MCF2L2: variants seen among roughly 807,000 people sequenced by gnomAD.
The protein encoded by MCF2L2 is MCF.2 cell line derived transforming sequence-like 2.
A neutral mutation model predicts 150.2 loss-of-function variants in MCF2L2; 102 were observed. The ratio of observed to expected loss-of-function variants is 0.68; its 90% CI spans 0.58 to 0.80. The LOEUF is 0.80. Ranked by LOEUF, MCF2L2 falls within the 30% of genes least tolerant of loss-of-function variation. The pLI, the probability that MCF2L2 is intolerant of heterozygous loss-of-function variation, is 0.00. For missense variants in MCF2L2, 1,256 were observed against 1,372.8 expected (o/e 0.91, Z 1.34); for synonymous variants, 465 against 491.3 (o/e 0.95, Z 0.71).
intron 15 of MCF2L2, 123 bp from the exon 16 acceptor site, chr3:183,231,140 A>T: frequency 1.3e-6 from 1 of 762,134 alleles, no homozygotes. Flanking sequence ...TCACCTACTT[A>T]GTTTCTGGTC....
At chr3:183,241,547 C>A (rs781419921) in intron 15 of MCF2L2, among the ~76,000 whole-genome samples, 1 of 152,204 alleles carries the variant, frequency 6.6e-6, no homozygotes, top group Non-Finnish European at 1.5e-5. Context: ...CTCTTGCCTG[C>A]CACCATGTAA....
In MCF2L2 at chr3:183,179,399, G is replaced by A; in HGVS notation, c.3326C>T (p.Thr1109Ile). The part of the protein sequence containing the change: ...GFQARALRPR[T>I]SAQES The stretch of plus-strand genomic sequence containing the variant: ...GGGAGGTCAGCTCTCCTGGGCGGAG[G>A]TCCTCGGGCGCAGCGCCCTCGCCTG... Residue 1109 changes from threonine to isoleucine, a missense_variant, in exon 30 of 30, where the codon ACC becomes ATC. Transcript: ENST00000328913. This position sits in a 1 kb window ranked among gnomAD's most constrained non-coding sequence, Gnocchi z 4.2. 1 of 1,554,414 alleles carries A rather than the reference G, an allele frequency of 6.4e-7. No homozygotes were observed. Among genetic ancestry groups the A allele is most frequent in the Non-Finnish European group, 8.7e-7 (1 of 1,149,464 alleles).
chr3:183,200,537 G>A (rs1722240328), intron 25 of MCF2L2, among the ~76,000 whole-genome samples: 1 of 152,174 alleles, frequency 6.6e-6, no homozygotes, highest in East Asian at 1.9e-4. Flanking sequence ...TTTGTCAGAT[G>A]GGTAGATTGT....
intron 1 of MCF2L2, among the ~76,000 whole-genome samples, chr3:183,414,608 T>C (rs1294787773): frequency 6.6e-6 from 1 of 152,204 alleles, no homozygotes; most frequent in African/African-American, 2.4e-5. Context: ...TATATTTAGG[T>C]TGCTTTTCTT....
intron 10 of MCF2L2, among the ~76,000 whole-genome samples, chr3:183,304,015 C>G (rs867804592): frequency 1.3e-5 from 2 of 152,188 alleles, no homozygotes; most frequent in African/African-American, 4.8e-5. Context: ...AGGCCTCCAT[C>G]CCTTCTCCAC....
chr3:183,348,437 GGAGA>G lies in MCF2L2; in HGVS notation c.276-6811_276-6808del, dbSNP rs1435187004. Among the ~76,000 whole-genome samples, 4 of 151,782 alleles carry G rather than the reference GGAGA, an allele frequency of 2.6e-5. No homozygotes were observed. The South Asian group carries it at 8.3e-4, about 32-fold the overall frequency. ...GGTCGGGTAGGGGGGGCGAGGGGAG[GGAGA>G]GAATTAGGACAAATACCTAGTGTAG... On this transcript the variant is annotated intron_variant, in intron 3 of 29. Transcript: ENST00000328913.
chr3:183,193,217 G>A, intron 26 of MCF2L2, 121 bp from the exon 27 acceptor site: 1 of 762,024 alleles, frequency 1.3e-6, no homozygotes, highest in Admixed American at 2.0e-5. Context: ...TCGAGGACCT[G>A]CTGCTCCTCC....
chr3:183,295,151 C>T (rs1728421796), intron 13 of MCF2L2, 149 bp downstream of exon 13: 1 of 714,682 alleles, frequency 1.4e-6, no homozygotes, highest in East Asian at 3.0e-5. Context: ...TTTATGTCTT[C>T]CATGTCTGCA....
intron 15 of MCF2L2, among the ~76,000 whole-genome samples, chr3:183,258,648 C>G (rs895294905): frequency 6.6e-6 from 1 of 152,196 alleles, no homozygotes; most frequent in African/African-American, 2.4e-5. Context: ...ACCACCCCCC[C>G]GCCCCTGATA....
At chr3:183,420,742 G>C (rs753169997) in intron 1 of MCF2L2, among the ~76,000 whole-genome samples, 1 of 152,300 alleles carries the variant, frequency 6.6e-6, no homozygotes, top group South Asian at 2.1e-4. Context: ...GCACATCTTC[G>C]CAAGGCAGCA....
At position 183,179,590 on chromosome 3, in the gene MCF2L2, C is replaced by T. The variant is rs200368808; in HGVS notation, c.3208G>A (p.Asp1070Asn). ...ESSQGEKEER[D>N]EEETATRSTE... The stretch of plus-strand genomic sequence containing the variant: ...GCTCACACTCACGTTTCCTCCTCAT[C>T]GCGTTCTTCTTTTTCTCCCTGGCTG... Residue 1070 changes from aspartate (D) to asparagine (N), a missense_variant, in exon 29 of 30, where the codon GAT (aspartate) becomes AAT (asparagine). Coordinates refer to ENST00000328913, the MANE Select transcript of MCF2L2 (RefSeq NM_015078.4). This position sits in a 1 kb window ranked among gnomAD's most constrained non-coding sequence, Gnocchi z 4.2. The T allele has an allele frequency of 1.2e-5, 20 of 1,614,028 alleles. No individual in the cohort carries two copies. The highest frequency in any genetic ancestry group is 1.5e-5 in the Non-Finnish European group (18 of 1,179,988).
chr3:183,342,890 T>C (rs754199703), intron 3 of MCF2L2, among the ~76,000 whole-genome samples: 38 of 152,098 alleles, frequency 2.5e-4, no homozygotes, highest in Non-Finnish European at 5.1e-4. Flanking sequence ...AAAGTGTGTA[T>C]ATGTGAATGA....
intron 1 of MCF2L2, among the ~76,000 whole-genome samples, chr3:183,395,016 GA>G (rs1171338733): frequency 1.3e-5 from 2 of 152,112 alleles, no homozygotes; most frequent in African/African-American, 4.8e-5. Context: ...GGATGATATT[GA>G]ACTAGATTTG....
chr3:183,300,802 A>G (rs1409701648), intron 10 of MCF2L2, among the ~76,000 whole-genome samples: 1 of 152,020 alleles, frequency 6.6e-6, no homozygotes, highest in Non-Finnish European at 1.5e-5. Flanking sequence ...GGATCACCTG[A>G]GGTCAGGAGT....
intron 1 of MCF2L2, among the ~76,000 whole-genome samples, chr3:183,393,354 C>A (rs1436744353): frequency 1.3e-5 from 2 of 151,860 alleles, no homozygotes; most frequent in African/African-American, 4.8e-5. Flanking sequence ...CCACCACGCC[C>A]GGCTAATTTT....
intron 1 of MCF2L2, among the ~76,000 whole-genome samples, chr3:183,391,544 T>TGA (rs2108600421): frequency 6.6e-6 from 1 of 152,248 alleles, no homozygotes; most frequent in African/African-American, 2.4e-5. Context: ...AACAGTGAAA[T>TGA]GATATGAAGT....
Position 183,300,123 on chromosome 3 carries a change from T to A in MCF2L2, c.1187A>T (p.Asp396Val), listed in dbSNP as rs993328396. ...CTCCACACACCGGGGCCTGATGGCA[T>A]CTGCTGCATAATGGTGGCTTTGGAT... ...QLIQSHHYAADAIRPRCVELR... is the reference protein window; with the variant it reads ...QLIQSHHYAAVAIRPRCVELR... The change falls in exon 11 of 30, where the codon GAT becomes GTT. Residue 396 changes from aspartate (D) to valine (V), a missense_variant. Asp to Val is a radical substitution (Grantham distance 152). Coordinates refer to ENST00000328913, the MANE Select transcript of MCF2L2 (RefSeq NM_015078.4). 1.2e-6 allele frequency: 2 copies of A among 1,614,058 alleles called. No individual in the cohort carries two copies. Among genetic ancestry groups the A allele is most frequent in the Non-Finnish European group, 1.7e-6 (2 of 1,179,994 alleles).
At chr3:183,395,462 T>C (rs1231047338) in intron 1 of MCF2L2, among the ~76,000 whole-genome samples, 1 of 152,260 alleles carries the variant, frequency 6.6e-6, no homozygotes, top group Admixed American at 6.5e-5. Flanking sequence ...GTTACCCCTT[T>C]AGTTTACATA....
At chr3:183,204,774 T>A (rs1409653435) in intron 25 of MCF2L2, among the ~76,000 whole-genome samples, 2 of 152,158 alleles carry the variant, frequency 1.3e-5, no homozygotes, top group Non-Finnish European at 2.9e-5. Flanking sequence ...AACTAATGAA[T>A]GGATAAACAA....
Sources: gnomAD v4.1 joint callset for allele counts (sites outside exome capture counted in the v4.1 genomes callset) on GRCh38, gnomAD v4.1.1 for gene constraint, Gnocchi (gnomAD v3.1) non-coding constraint, MANE v1.5 for transcripts, NCBI Gene and HGNC (gene_info 2026-07-23, HGNC 2026-07-21) for gene names.